The following NRAP variants were observed in gnomAD, a reference collection of about 807,000 sequenced individuals.
NRAP encodes the protein nebulin related anchoring protein.
In NRAP, 189 loss-of-function variants were observed where a neutral mutation model predicts 225.9. That is an observed-to-expected ratio of 0.84 (90% confidence interval 0.74 to 0.94). The LOEUF (loss-of-function observed/expected upper bound fraction) is 0.94, where lower values mean the gene tolerates loss of function less well. Among genes scored for constraint, NRAP ranks in the 40% least tolerant of loss-of-function variants. The probability of loss-of-function intolerance (pLI) is 0.00; values close to 1 mark genes in which losing one functional copy is unlikely to be tolerated. For synonymous variants in NRAP, 769 were observed against 790.7 expected (o/e 0.97, Z 0.46); for missense variants, 2,176 against 2,168.7 (o/e 1.00, Z -0.07).
In NRAP at chr10:113,617,744, A is replaced by C. The variant is rs10509982; in HGVS notation, c.2875-191T>G. 0.23 allele frequency among the ~76,000 whole-genome samples: 34,327 copies of C among 152,120 alleles called. 4,631 individuals carry two copies. The highest frequency in any genetic ancestry group is 0.4 in the East Asian group (2,074 of 5,162). ...TCAATTTAAGAATAACCTCATGTCA[A>C]TTAACATTAAAGTATTTCTACCTGG... On this transcript the variant is annotated intron_variant, in intron 25 of 41. Coordinates refer to ENST00000359988, the MANE Select transcript of NRAP (RefSeq NM_198060.4).
intron 26 of NRAP, among the ~76,000 whole-genome samples, chr10:113,616,050 G>A (rs375355849): frequency 1.3e-5 from 2 of 152,024 alleles, no homozygotes; most frequent in Non-Finnish European, 2.9e-5. Context: ...CTCAGTGAAC[G>A]CCCCACTCAT....
intron 3 of NRAP, among the ~76,000 whole-genome samples, chr10:113,658,881 C>CA (rs57340533): frequency 0.047 from 3,678 of 77,790 alleles, 80 homozygotes; most frequent in African/African-American, 0.082. Context: ...GACCCTGTCT[C>CA]AAAAAAAAAA....
At chr10:113,612,578 G>A in intron 29 of NRAP, 147 bp from the exon 30 acceptor site, 1 of 650,730 alleles carries the variant, frequency 1.5e-6, no homozygotes, top group Non-Finnish European at 2.7e-6. Flanking sequence ...TGCAGAGACT[G>A]GCCTAATAAC....
chr10:113,595,477 C>T, intron 38 of NRAP, 146 bp downstream of exon 38: 1 of 593,894 alleles, frequency 1.7e-6, no homozygotes, highest in East Asian at 2.9e-5. Flanking sequence ...GACTGAAAGT[C>T]ACACAAACAG....
intron 41 of NRAP, 191 bp downstream of exon 41, chr10:113,589,475 G>A (rs1222959578): frequency 1.5e-6 from 1 of 647,652 alleles, no homozygotes; most frequent in Non-Finnish European, 2.6e-6. Context: ...AGCCCTGCAG[G>A]AAGTTTAACC....
At position 113,606,219 on chromosome 10, in the gene NRAP, C is replaced by G. The variant is rs764226845; in HGVS notation, c.3766G>C (p.Glu1256Gln). Residue 1256 changes from glutamate to glutamine, a missense_variant, in exon 33 of 42, where the codon GAG becomes CAG. Physicochemically the swap from Glu to Gln is conservative, Grantham distance 29. This residue lies in a region of NRAP where 1,708 missense variants were observed against 1,695.5 expected (regional missense o/e 1.01). Transcript: ENST00000359988. ...GCATTCGTTTTTGCTCGGATGAACT[C>G]GGGCAGACCCAGGGTCATTGTATAC... Reference protein sequence around the residue: ...HEYTMTLGLPEFIRAKTNAAN... With the variant: ...HEYTMTLGLPQFIRAKTNAAN... 2 of 1,614,148 alleles carry G rather than the reference C, an allele frequency of 1.2e-6. No homozygotes were observed. Among genetic ancestry groups the G allele is most frequent in the East Asian group, 2.2e-5 (1 of 44,886 alleles).
intron 31 of NRAP, among the ~76,000 whole-genome samples, chr10:113,608,968 G>C (rs1177075931): frequency 6.6e-6 from 1 of 152,148 alleles, no homozygotes; most frequent in Non-Finnish European, 1.5e-5. Flanking sequence ...AGACCATCCA[G>C]GCCAACATGG....
chr10:113,635,622 T>C (rs892377321), intron 14 of NRAP, among the ~76,000 whole-genome samples: 1 of 152,100 alleles, frequency 6.6e-6, no homozygotes, highest in Admixed American at 6.5e-5. Context: ...GAGACAGGGT[T>C]TCCCCGTGTT....
Position 113,588,740 on chromosome 10 carries a change from A to ATTCCTCAGCC in NRAP, c.*225_*234dup. 1 of 558,630 alleles carries ATTCCTCAGCC rather than the reference A, an allele frequency of 1.8e-6. No individual in the cohort carries two copies. Among genetic ancestry groups the ATTCCTCAGCC allele is most frequent in the East Asian group, 2.9e-5 (1 of 34,580 alleles). The allele number at this position is 558,630 out of a possible 1,614,324, so 34.6% of individuals were successfully genotyped here. ...CAGCGGGAACCACCATCACATCTTTATTCCTCAGCCCAGACACTCGAGGCA... is the reference window on the plus strand; with the variant it reads ...CAGCGGGAACCACCATCACATCTTTATTCCTCAGCCTTCCTCAGCCCAGACACTCGAGGCA... On this transcript the variant is annotated 3_prime_UTR_variant, in exon 42 of 42. Coordinates refer to ENST00000359988, the MANE Select transcript of NRAP (RefSeq NM_198060.4).
chr10:113,650,600 T>A, intron 7 of NRAP, 55 bp from the exon 8 acceptor site: 1 of 1,161,866 alleles, frequency 8.6e-7, no homozygotes, highest in Non-Finnish European at 1.3e-6. Flanking sequence ...ATGATCTTAG[T>A]GAGATGCTCT....
chr10:113,648,528 T>A (rs990596268), intron 9 of NRAP, among the ~76,000 whole-genome samples: 1 of 149,780 alleles, frequency 6.7e-6, no homozygotes, highest in African/African-American at 2.5e-5. Context: ...CACCTAATCC[T>A]GTTGATTACA....
At chr10:113,599,861 T>A (rs897446684) in intron 35 of NRAP, among the ~76,000 whole-genome samples, 1 of 152,190 alleles carries the variant, frequency 6.6e-6, no homozygotes, top group African/African-American at 2.4e-5. Flanking sequence ...CTCACTTTTT[T>A]TCCCCTCTTA....
At chr10:113,634,934 C>T (rs866659370) in intron 14 of NRAP, among the ~76,000 whole-genome samples, 1 of 152,180 alleles carries the variant, frequency 6.6e-6, no homozygotes, top group African/African-American at 2.4e-5. Flanking sequence ...CCACCCCGTA[C>T]ACCAGCCCCT....
intron 35 of NRAP, among the ~76,000 whole-genome samples, chr10:113,604,262 G>A (rs1317051860): frequency 6.6e-6 from 1 of 152,116 alleles, no homozygotes; most frequent in Non-Finnish European, 1.5e-5. Context: ...GACTACAGGT[G>A]CATGCCACCA....
intron 35 of NRAP, among the ~76,000 whole-genome samples, chr10:113,604,005 T>C (rs1452781621): frequency 6.6e-6 from 1 of 152,192 alleles, no homozygotes; most frequent in Non-Finnish European, 1.5e-5. Context: ...CCATGGCTTA[T>C]CTCCCTCTAG....
Position 113,588,795 on chromosome 10 carries a change from T to C in NRAP, c.*180A>G, listed in dbSNP as rs985583521. 1 of 608,070 alleles carries C rather than the reference T, an allele frequency of 1.6e-6. No homozygotes were observed. Among genetic ancestry groups the C allele is most frequent in the Non-Finnish European group, 2.9e-6 (1 of 342,178 alleles). The allele number at this position is 608,070 out of a possible 1,614,324, so 37.7% of individuals were successfully genotyped here. On this transcript the variant is annotated 3_prime_UTR_variant, in exon 42 of 42. Coordinates refer to ENST00000359988, the MANE Select transcript of NRAP (RefSeq NM_198060.4). ...ACAGAATCAGCCATCCACGTCTAGG[T>C]ATCAGAGAGGACCACAAATACAACA...
At chr10:113,635,885 C>T (rs1288075780) in intron 14 of NRAP, among the ~76,000 whole-genome samples, 3 of 152,196 alleles carry the variant, frequency 2.0e-5, no homozygotes, top group Non-Finnish European at 2.9e-5. Flanking sequence ...TCGTGGGGTT[C>T]CTACTCTGCA....
rs1223955260 is a variant in NRAP, at chr10:113,638,213, AG to A, written c.1428+2013del. Among the ~76,000 whole-genome samples, 3 of 152,218 alleles carry A rather than the reference AG, an allele frequency of 2.0e-5. No homozygotes were observed. The East Asian group carries it at 5.8e-4, about 29-fold the overall frequency. On this transcript the variant is annotated intron_variant, in intron 14 of 41. Transcript: ENST00000359988. ...ATTTCTTCCTGATAATTCTGCATTA[AG>A]TATGTTACTGAGCACAATTACTTTA... is the stretch of plus-strand genomic sequence containing the variant.
At chr10:113,659,303 C>G (rs950854006) in intron 3 of NRAP, among the ~76,000 whole-genome samples, 3 of 152,076 alleles carry the variant, frequency 2.0e-5, no homozygotes, top group Non-Finnish European at 4.4e-5. Context: ...AGGTCTCCAC[C>G]CACCAGATGC....
Sources: gnomAD v4.1 joint callset for allele counts (sites outside exome capture counted in the v4.1 genomes callset) on GRCh38, gnomAD v4.1.1 for gene constraint, gnomAD v4.1.1 regional missense constraint, MANE v1.5 for transcripts, NCBI Gene and HGNC (gene_info 2026-07-23, HGNC 2026-07-21) for gene names.